The following IARS2 variants were observed in gnomAD, a reference collection of about 807,000 sequenced individuals.
IARS2 encodes isoleucine--tRNA ligase, mitochondrial.
In IARS2, 56 loss-of-function variants were observed where a neutral mutation model predicts 126.3. The observed-to-expected ratio is 0.44, with a 90% CI of 0.36 to 0.55. The LOEUF is 0.55. IARS2 is among the 20% of genes least tolerant of loss of function. The pLI is 0.00. For missense variants in IARS2, 1,127 were observed against 1,245.9 expected (o/e 0.90, Z 1.44); for synonymous variants, 407 against 441.1 (o/e 0.92, Z 0.97).
intron 14 of IARS2, among the ~76,000 whole-genome samples, chr1:220,132,821 C>T (rs1198591752): frequency 1.3e-5 from 2 of 152,106 alleles, no homozygotes; most frequent in Non-Finnish European, 2.9e-5. Context: ...CCACCGCACC[C>T]AGCCCCATGT....
chr1:220,133,579 T>G (rs1657311853), intron 14 of IARS2, among the ~76,000 whole-genome samples: 1 of 152,194 alleles, frequency 6.6e-6, no homozygotes, highest in African/African-American at 2.4e-5. Flanking sequence ...AAAGGGATTA[T>G]GGGGGCTTTG....
rs1374188785 is a variant in IARS2 at position 220,102,488 on chromosome 1, C to T, written c.750-7C>T. 5.6e-6 allele frequency: 9 copies of T among 1,611,912 alleles called. No homozygotes were observed. In the South Asian group the frequency reaches 9.9e-5, roughly 18 times the overall value. On this transcript the variant is annotated splice_polypyrimidine_tract_variant and splice_region_variant and intron_variant, in intron 5 of 22. Transcript: ENST00000366922. ...AAGTATTTATGTTTAATATTTTTAA[C>T]CCTTAGGACTGCATTGGCTGAAGCA... is the stretch of plus-strand genomic sequence containing the variant.
At chr1:220,132,065 G>A (rs1042935785) in intron 14 of IARS2, among the ~76,000 whole-genome samples, 2 of 152,098 alleles carry the variant, frequency 1.3e-5, no homozygotes, top group African/African-American at 2.4e-5. Flanking sequence ...CAAAGTGTTG[G>A]TATTACAGGC....
chr1:220,144,475 G>T, intron 21 of IARS2: 1 of 483,382 alleles, frequency 2.1e-6, no homozygotes. Flanking sequence ...GATGTAATTA[G>T]CAAGATTAAG....
intron 16 of IARS2, chr1:220,137,557 G>C (rs865910759): frequency 2.9e-5 from 5 of 173,364 alleles, no homozygotes; most frequent in African/African-American, 1.2e-4. Flanking sequence ...AGAGTTGCTA[G>C]GAAATAGTGA....
chr1:220,132,057 A>G (rs754691236), intron 14 of IARS2, among the ~76,000 whole-genome samples: 10 of 151,974 alleles, frequency 6.6e-5, no homozygotes, highest in Non-Finnish European at 1.3e-4. Context: ...TGGCCTCCCA[A>G]AGTGTTGGTA....
intron 12 of IARS2, among the ~76,000 whole-genome samples, chr1:220,124,516 G>A (rs945656462): frequency 1.3e-5 from 2 of 152,202 alleles, no homozygotes; most frequent in East Asian, 3.8e-4. Flanking sequence ...CAGGACACAG[G>A]AGGTGTTCAA....
At position 220,145,590 on chromosome 1, in the gene IARS2, G is replaced by A; in HGVS notation, c.2833G>A (p.Glu945Lys). ...TTCTGAGTCAACTTTACTGGCTCAG[G>A]AACCACGAGAGATGACTGCAGATGT... ...MASESTLLAQ[E>K]PREMTADVIE... The change falls in exon 22 of 23, where the codon GAA becomes AAA. Residue 945 changes from glutamate to lysine, a missense_variant. Glu to Lys is a moderately conservative substitution (Grantham distance 56). Coordinates refer to ENST00000366922, the MANE Select transcript of IARS2 (RefSeq NM_018060.4). 1 of 1,613,738 alleles carries A rather than the reference G, an allele frequency of 6.2e-7. No individual in the cohort carries two copies. The highest frequency in any genetic ancestry group is 8.5e-7 in the Non-Finnish European group (1 of 1,179,800).
At chr1:220,117,451 C>T (rs1050036766) in intron 12 of IARS2, among the ~76,000 whole-genome samples, 6 of 151,946 alleles carry the variant, frequency 3.9e-5, no homozygotes, top group Non-Finnish European at 7.4e-5. Flanking sequence ...CCGCCCGCCT[C>T]AGCCTCCCAA....
chr1:220,107,945 T>C (rs1354458446), intron 10 of IARS2, among the ~76,000 whole-genome samples: 1 of 152,228 alleles, frequency 6.6e-6, no homozygotes, highest in African/African-American at 2.4e-5. Flanking sequence ...CTCACTCAGG[T>C]TGATGTGCAG....
intron 11 of IARS2, among the ~76,000 whole-genome samples, chr1:220,112,555 CTTTTTTTTTT>C (rs750583631): frequency 8.6e-6 from 1 of 116,110 alleles, no homozygotes; most frequent in Non-Finnish European, 1.7e-5. Context: ...AAGATAAGCT[CTTTTTTTTTT>C]TTTTTTTTTT....
intron 10 of IARS2, among the ~76,000 whole-genome samples, chr1:220,109,927 T>C (rs928930925): frequency 6.6e-6 from 1 of 152,248 alleles, no homozygotes; most frequent in Non-Finnish European, 1.5e-5. Context: ...GTTCATCTTT[T>C]CTTTGACGTG....
intron 21 of IARS2, chr1:220,144,491 A>G: frequency 2.1e-6 from 1 of 479,208 alleles, no homozygotes; most frequent in Non-Finnish European, 3.7e-6. Context: ...TTAAGATTTG[A>G]GCTTGAAATA....
At position 220,094,143 on chromosome 1, in the gene IARS2, C is replaced by G. The variant is rs567351340; in HGVS notation, c.-74C>G. 9.2e-6 allele frequency: 13 copies of G among 1,415,698 alleles called. No homozygotes were observed. In the South Asian group the frequency reaches 1.9e-4, roughly 21 times the overall value. The allele number at this position is 1,415,698 out of a possible 1,614,324, so 87.7% of individuals were successfully genotyped here. On this transcript the variant is annotated 5_prime_UTR_variant, in exon 1 of 23. Transcript: ENST00000366922. Reference sequence around the variant, plus strand: ...GCGTGCGCCCTCTTACTCGGCTCCCCTTGGTTTCCTGGGGTCCTGCCCCTT... The same window carrying G: ...GCGTGCGCCCTCTTACTCGGCTCCCGTTGGTTTCCTGGGGTCCTGCCCCTT...
At chr1:220,130,115 G>A (rs1305306601) in intron 14 of IARS2, among the ~76,000 whole-genome samples, 2 of 152,164 alleles carry the variant, frequency 1.3e-5, no homozygotes, top group Non-Finnish European at 2.9e-5. Flanking sequence ...GATTAGTGAT[G>A]TTGAACATTT....
At chr1:220,096,785 G>C (rs1236577197) in intron 2 of IARS2, among the ~76,000 whole-genome samples, 1 of 152,166 alleles carries the variant, frequency 6.6e-6, no homozygotes, top group Non-Finnish European at 1.5e-5. Flanking sequence ...AGTGGCTCAC[G>C]CCTGTAATCC....
At chr1:220,121,207 C>T (rs1203089294) in intron 12 of IARS2, among the ~76,000 whole-genome samples, 3 of 152,092 alleles carry the variant, frequency 2.0e-5, no homozygotes, top group South Asian at 2.1e-4. Flanking sequence ...TGTGTAGTTA[C>T]GTTGTTTCTC....
rs1205140349 is a variant in IARS2 at position 220,148,008 on chromosome 1, A to G, written c.*373A>G. The G allele has an allele frequency of 2.6e-5, 10 of 382,118 alleles. No homozygotes were observed. The highest frequency in any genetic ancestry group is 3.7e-5 in the Non-Finnish European group (8 of 215,354). 23.7% of individuals were successfully genotyped at this position (382,118 alleles called of 1,614,324 possible). On this transcript the variant is annotated 3_prime_UTR_variant, in exon 23 of 23. Coordinates refer to ENST00000366922, the MANE Select transcript of IARS2 (RefSeq NM_018060.4). ...TCTTTTGACTCTGTATTTAAATTCT[A>G]TGATACTGAAAATAAAGGCATTCTG...
intron 12 of IARS2, among the ~76,000 whole-genome samples, chr1:220,121,800 T>G (rs1257801279): frequency 6.6e-6 from 1 of 152,176 alleles, no homozygotes; most frequent in Non-Finnish European, 1.5e-5. Context: ...TTCTAAAATA[T>G]GGATGTGGAG....
Sources: gnomAD v4.1 joint callset for allele counts (sites outside exome capture counted in the v4.1 genomes callset) on GRCh38, gnomAD v4.1.1 for gene constraint, MANE v1.5 for transcripts, NCBI Gene and HGNC (gene_info 2026-07-23, HGNC 2026-07-21) for gene names.